MPP4: variants seen among roughly 807,000 people sequenced by gnomAD.
The protein encoded by MPP4 is MAGUK p55 scaffold protein 4, also known as MAGUK p55 subfamily member 4.
A neutral mutation model predicts 98.3 loss-of-function variants in MPP4; 91 were observed. That is an observed-to-expected ratio of 0.93 (90% CI 0.78 to 1.10). MPP4 has a LOEUF of 1.10. Ranked by LOEUF, MPP4 falls within the 50% of genes least tolerant of loss-of-function variation. MPP4 has a pLI of 0.00. For missense variants in MPP4, 744 were observed against 792.9 expected (o/e 0.94, Z 0.74); for synonymous variants, 261 against 271.8 (o/e 0.96, Z 0.39).
At chr2:201,671,446 C>T (rs1284492183) in intron 11 of MPP4, among the ~76,000 whole-genome samples, 1 of 152,160 alleles carries the variant, frequency 6.6e-6, no homozygotes, top group Admixed American at 6.5e-5. Flanking sequence ...AATTAAAAGA[C>T]ACAGACTGCA....
intron 7 of MPP4, 61 bp downstream of exon 7, chr2:201,685,003 C>G (rs530307801): frequency 1.5e-6 from 2 of 1,345,660 alleles, no homozygotes; most frequent in African/African-American, 3.0e-5. Flanking sequence ...AGAAAGAAGC[C>G]TAAACAGTCA....
rs532025784 is a variant in MPP4, at chr2:201,656,206, A to T, written c.1292T>A (p.Val431Glu). Residue 431 changes from valine (V) to glutamate (E), a missense_variant, in exon 17 of 22, where the codon GTG (valine) becomes GAG (glutamate). Coordinates refer to ENST00000409474, the MANE Select transcript of MPP4 (RefSeq NM_033066.3). ...TGCATGCTGGGACATACCCATGAGC[A>T]CTATGAGGCGGTACTTGTCTGAAGG... ...RRPSDKYRLI[V>E]LMGPSGVGVN... is the part of the protein sequence containing the mutation. The T allele has an allele frequency of 5.6e-6, 9 of 1,603,534 alleles. No homozygotes were observed. The highest frequency in any genetic ancestry group is 1.7e-5 in the Admixed American group (1 of 58,766).
At chr2:201,647,633 G>C (rs1014482679) in intron 21 of MPP4, 58 bp downstream of exon 21, 7 of 1,577,784 alleles carry the variant, frequency 4.4e-6, no homozygotes, top group Non-Finnish European at 6.1e-6. Flanking sequence ...GCCCAACCCA[G>C]ATCTCTCCCA....
chr2:201,688,471 C>T (rs1291847029), intron 4 of MPP4, among the ~76,000 whole-genome samples: 1 of 152,162 alleles, frequency 6.6e-6, no homozygotes. Flanking sequence ...GGAAAAGCCT[C>T]ACTGAGAAGG....
chr2:201,682,581 C>G (rs373163024), intron 8 of MPP4, among the ~76,000 whole-genome samples: 1 of 152,062 alleles, frequency 6.6e-6, no homozygotes, highest in Non-Finnish European at 1.5e-5. Flanking sequence ...GCAGTCTTCC[C>G]GTGGCTGAAG....
At position 201,693,019 on chromosome 2, in the gene MPP4, C is replaced by T. The variant is rs766503420; in HGVS notation, c.90G>A (p.Gln30=). Reference sequence around the variant, plus strand: ...GCTCTTGCAGCACAAGCCTCAGGATCTGGGAGAGGCCTAGGAAAGGAAGAG... The same window carrying T: ...GCTCTTGCAGCACAAGCCTCAGGATTTGGGAGAGGCCTAGGAAAGGAAGAG... ...TATNPQNGLS[Q]ILRLVLQELS... is the part of the protein sequence containing the mutation. Residue 30 remains glutamine, a synonymous_variant, in exon 3 of 22, where the codon CAG becomes CAA. Coordinates refer to ENST00000409474, the MANE Select transcript of MPP4 (RefSeq NM_033066.3). The T allele has an allele frequency of 5.0e-6, 8 of 1,612,102 alleles. No individual in the cohort carries two copies. The highest frequency in any genetic ancestry group is 6.8e-6 in the Non-Finnish European group (8 of 1,179,160).
intron 7 of MPP4, 91 bp downstream of exon 7, chr2:201,684,960 AGAAAAAAAAAAAG>A: frequency 1.3e-6 from 1 of 780,020 alleles, no homozygotes; most frequent in Non-Finnish European, 1.9e-6. Context: ...AAAAAAAAAA[AGAAAAAAAAAAAG>A]AAAAAAAAGG....
intron 12 of MPP4, among the ~76,000 whole-genome samples, chr2:201,668,809 C>CT (rs1264668620): frequency 1.3e-5 from 2 of 152,160 alleles, no homozygotes; most frequent in Non-Finnish European, 2.9e-5. Context: ...CTTCACAACT[C>CT]TTAACAGTGC....
intron 10 of MPP4, among the ~76,000 whole-genome samples, chr2:201,676,989 A>G (rs959369305): frequency 3.3e-5 from 5 of 152,244 alleles, no homozygotes; most frequent in African/African-American, 4.8e-5. Flanking sequence ...CTGCATAATT[A>G]AGGTACTTTA....
At chr2:201,696,932 T>C (rs1193700504) in intron 1 of MPP4, among the ~76,000 whole-genome samples, 1 of 152,192 alleles carries the variant, frequency 6.6e-6, no homozygotes, top group Non-Finnish European at 1.5e-5. Context: ...AAATTTATGG[T>C]GGACTGAATG....
chr2:201,647,809 C>T lies in MPP4; in HGVS notation c.1601G>A (p.Arg534Gln), dbSNP rs376987570. 9.3e-6 allele frequency: 15 copies of T among 1,612,674 alleles called. No homozygotes were observed. The highest frequency in any genetic ancestry group is 5.3e-5 in the African/African-American group (4 of 74,894). The change falls in exon 21 of 22, where the codon CGA becomes CAA. Residue 534 changes from arginine to glutamine, a missense_variant. Arg to Gln is a conservative substitution (Grantham distance 43). Coordinates refer to ENST00000409474, the MANE Select transcript of MPP4 (RefSeq NM_033066.3). ...DLEPQDIQGV[R>Q]THELKPYVIF... ...GACATAGGGCTTCAGTTCATGGGTTCGAACCCCTTGAATATCCTACACAGA... is the reference window on the plus strand; with the variant it reads ...GACATAGGGCTTCAGTTCATGGGTTTGAACCCCTTGAATATCCTACACAGA...
chr2:201,666,257 A>G, intron 13 of MPP4, 77 bp downstream of exon 13: 2 of 1,285,918 alleles, frequency 1.6e-6, no homozygotes, highest in Non-Finnish European at 2.1e-6. Flanking sequence ...CCCTTTGGAC[A>G]CCTCTGCTTC....
chr2:201,656,202 G>C lies in MPP4; in HGVS notation c.1296C>G (p.Leu432=). 6.2e-7 allele frequency: 1 copy of C among 1,602,662 alleles called. No individual in the cohort carries two copies. Among genetic ancestry groups the C allele is most frequent in the Non-Finnish European group, 8.5e-7 (1 of 1,174,574 alleles). ...ACAGTGCATGCTGGGACATACCCAT[G>C]AGCACTATGAGGCGGTACTTGTCTG... The part of the protein sequence containing the change: ...RPSDKYRLIV[L]MGPSGVGVNE... The change falls in exon 17 of 22, where the codon CTC becomes CTG. Residue 432 remains leucine, a synonymous_variant. Coordinates refer to ENST00000409474, the MANE Select transcript of MPP4 (RefSeq NM_033066.3).
At chr2:201,650,186 A>G (rs1213962636) in intron 18 of MPP4, 21 bp from the exon 19 acceptor site, 3 of 1,549,792 alleles carry the variant, frequency 1.9e-6, no homozygotes, top group Non-Finnish European at 2.6e-6. Context: ...AAGGGAATGA[A>G]AGGTTTCAGT....
chr2:201,659,212 A>G (rs1451913432), intron 15 of MPP4, among the ~76,000 whole-genome samples: 1 of 4,824 alleles, frequency 2.1e-4, no homozygotes, highest in Non-Finnish European at 1.8e-3. Context: ...TACTGTGTTT[A>G]TAATTTTTTT....
chr2:201,674,267 A>G (rs988862122), intron 11 of MPP4, among the ~76,000 whole-genome samples: 4 of 152,230 alleles, frequency 2.6e-5, no homozygotes, highest in African/African-American at 9.6e-5. Flanking sequence ...AGATCTTGGA[A>G]GGCCTCAACT....
At chr2:201,687,436 C>G in intron 4 of MPP4, 65 bp from the exon 5 acceptor site, 1 of 1,253,832 alleles carries the variant, frequency 8.0e-7, no homozygotes, top group Non-Finnish European at 1.1e-6. Context: ...CTTAACCTCA[C>G]CCAGGCTGGA....
chr2:201,646,110 T>C (rs554460941), intron 21 of MPP4, among the ~76,000 whole-genome samples: 1 of 152,336 alleles, frequency 6.6e-6, no homozygotes, highest in Non-Finnish European at 1.5e-5. Flanking sequence ...AATTTAGTCA[T>C]AGTTTGCAGA....
intron 14 of MPP4, among the ~76,000 whole-genome samples, chr2:201,660,740 T>C (rs1429432619): frequency 2.0e-5 from 3 of 152,056 alleles, no homozygotes; most frequent in Non-Finnish European, 4.4e-5. Flanking sequence ...GGGGAGGAAG[T>C]GGTAGAAATG....
Sources: allele counts gnomAD v4.1 joint callset (sites outside exome capture counted in the v4.1 genomes callset), GRCh38; gene constraint gnomAD v4.1.1; transcripts MANE v1.5; gene names NCBI Gene and HGNC (gene_info 2026-07-23, HGNC 2026-07-21).